The following DNAAF3 variants were observed in gnomAD, a reference collection of about 807,000 sequenced individuals.
DNAAF3 encodes the protein dynein axonemal assembly factor 3, also known as UPF0470 protein C19orf51.
In DNAAF3, 40 loss-of-function variants were observed where a neutral mutation model predicts 50.9. That is an observed-to-expected ratio of 0.79 (90% CI 0.61 to 1.02). DNAAF3 has a LOEUF of 1.02. DNAAF3 is among the 50% of genes least tolerant of loss of function. DNAAF3 has a pLI of 0.00. For synonymous variants in DNAAF3, 327 were observed against 322.8 expected, an observed-to-expected ratio of 1.01 and a Z score of -0.14; for missense variants, 763 against 744.7, an observed-to-expected ratio of 1.02 and a Z score of -0.29.
In DNAAF3 at chr19:55,159,542, T is replaced by G; in HGVS notation, c.1229A>C (p.Glu410Ala). The change falls in exon 11 of 12, where the codon GAA (glutamate) becomes GCA (alanine). Residue 410 changes from glutamate to alanine, a missense_variant. Glu to Ala is a moderately radical substitution (Grantham distance 107). Transcript: ENST00000524407. ...CVAPGGNLIV[E>A]LARYLVDVRQ... is the part of the protein sequence containing the mutation. ...CACCCCACTGACTCACCGGGCTAAT[T>G]CCACAATCAAGTTCCCTCCGGGTGC... 1 of 1,599,354 alleles carries G rather than the reference T, an allele frequency of 6.3e-7. No homozygotes were observed. Among genetic ancestry groups the G allele is most frequent in the South Asian group, 1.1e-5 (1 of 88,318 alleles).
intron 4 of DNAAF3, among the ~76,000 whole-genome samples, chr19:55,163,312 A>AT (rs34371299): frequency 0.12 from 10,678 of 87,060 alleles, 1,420 homozygotes; most frequent in Non-Finnish European, 0.18. Flanking sequence ...CCGGCGGCTA[A>AT]TTTTTTTTTT....
Position 55,165,326 on chromosome 19 carries a change from G to T in DNAAF3, c.322+44C>A, listed in dbSNP as rs200932133. On this transcript the variant is annotated intron_variant, in intron 4 of 11. Coordinates refer to ENST00000524407, the MANE Select transcript of DNAAF3 (RefSeq NM_001256715.2). ...AAATGCCAGAATCCCTCTAGGGAGG[G>T]GGAGGAGACCAGCGGTCAGAATGCC... 6.0e-5 allele frequency: 94 copies of T among 1,559,852 alleles called. No individual in the cohort carries two copies. The African/African-American group carries it at 1.1e-3, about 18-fold the overall frequency.
chr19:55,159,440 C>T lies in DNAAF3; in HGVS notation c.1248G>A (p.Val416=), dbSNP rs111250144. 7.2e-4 allele frequency: 1,168 copies of T among 1,613,806 alleles called. 7 individuals are homozygous for T. The African/African-American group carries it at 0.014, about 19-fold the overall frequency. The part of the protein sequence containing the change: ...NLIVELARYL[V]DVRQEQLQGF... The stretch of plus-strand genomic sequence containing the variant: ...CCTGCAGCTGCTCCTGCCGCACGTC[C>T]ACCAGGTACCTGCAGATGGGAAGCG... The change falls in exon 12 of 12, where the codon GTG becomes GTA. Residue 416 remains valine, a synonymous_variant. Coordinates refer to ENST00000524407, the MANE Select transcript of DNAAF3 (RefSeq NM_001256715.2).
At chr19:55,166,633 C>G (rs774308391), upstream of DNAAF3, 106 of 1,613,548 alleles carry the variant, frequency 6.6e-5, no homozygotes, top group Non-Finnish European at 7.3e-5. This position sits in a 1 kb window ranked among gnomAD's most constrained non-coding sequence, Gnocchi z 4.0. Flanking sequence ...TTCGAGGAAT[C>G]AAGCAATGGA....
chr19:55,158,964 A>C lies in DNAAF3; in HGVS notation c.*98T>G, dbSNP rs2085767039. ...ACTGAGTGGGAATGATTAGAATAAA[A>C]TTGAGGACTCTAGCAGCGGACTTAG... On this transcript the variant is annotated 3_prime_UTR_variant, in exon 12 of 12. Coordinates refer to ENST00000524407, the MANE Select transcript of DNAAF3 (RefSeq NM_001256715.2). The C allele has an allele frequency of 1.4e-6, 2 of 1,385,310 alleles. No individual in the cohort carries two copies. Among genetic ancestry groups the C allele is most frequent in the South Asian group, 2.9e-5 (2 of 69,160 alleles). 85.8% of individuals were successfully genotyped at this position (1,385,310 alleles called of 1,614,324 possible).
intron 4 of DNAAF3, 117 bp downstream of exon 4, chr19:55,165,252 TA>T: frequency 1.0e-6 from 1 of 984,732 alleles, no homozygotes; most frequent in Non-Finnish European, 1.6e-6. Context: ...CGGCTCACTG[TA>T]ACCTCCGCCT....
chr19:55,165,829 T>C, intron 3 of DNAAF3, 29 bp downstream of exon 3: 1 of 1,609,634 alleles, frequency 6.2e-7, no homozygotes, highest in Non-Finnish European at 8.5e-7. Flanking sequence ...GACTCGGGAA[T>C]CTGGGCTCTC....
Position 55,159,279 on chromosome 19 carries a change from TC to T in DNAAF3, c.1408del (p.Glu470AsnfsTer24). The T allele has an allele frequency of 6.2e-7, 1 of 1,614,064 alleles. No homozygotes were observed. Among genetic ancestry groups the T allele is most frequent in the Non-Finnish European group, 8.5e-7 (1 of 1,180,038 alleles). On this transcript the variant is annotated frameshift_variant, in exon 12 of 12. Transcript: ENST00000524407. LOFTEE classifies it low-confidence loss of function (END_TRUNC). ...GATGTCAAGGGGCGGAGTTCCGGGTTCCACAGCTGGGACAGTGTTGCCCAGA... is the reference window on the plus strand; with the variant it reads ...GATGTCAAGGGGCGGAGTTCCGGGTTCACAGCTGGGACAGTGTTGCCCAGA... ...SALGNTVPAV[E>X]PGTPPLDILA...
In DNAAF3 at chr19:55,166,326, C is replaced by T. The variant is rs1241133548; in HGVS notation, c.85+3G>A. 1 of 1,613,200 alleles carries T rather than the reference C, an allele frequency of 6.2e-7. No individual in the cohort carries two copies. Among genetic ancestry groups the T allele is most frequent in the Non-Finnish European group, 8.5e-7 (1 of 1,179,660 alleles). ...GTATCAGACCTTGCGTGCTGGGACT[C>T]ACTTTCAGCCTGCAGGTCCAGCGCC... On this transcript the variant is annotated splice_donor_region_variant and intron_variant, in intron 2 of 11. Coordinates refer to ENST00000524407, the MANE Select transcript of DNAAF3 (RefSeq NM_001256715.2). This position sits in a 1 kb window ranked among gnomAD's most constrained non-coding sequence, Gnocchi z 4.0.
In DNAAF3 at chr19:55,160,690, T is replaced by TC. The variant is rs756430359; in HGVS notation, c.997dup (p.Asp333GlyfsTer64). 281 of 1,613,292 alleles carry TC rather than the reference T, an allele frequency of 1.7e-4. No homozygotes were observed. Among genetic ancestry groups the TC allele is most frequent in the Non-Finnish European group, 2.2e-4 (263 of 1,179,904 alleles). On this transcript the variant is annotated frameshift_variant, in exon 9 of 12. Transcript: ENST00000524407. LOFTEE classifies it high-confidence loss of function. The surrounding 1 kb of genome is among the most constrained non-coding windows in gnomAD (Gnocchi z 4.7). ...CTCCGCGTGCTGCTGCTCCTCCAGG[T>TC]CCCCCCCGGTGGCTCTCGCGCGCCC... is the stretch of plus-strand genomic sequence containing the variant.
rs1486133748 is a variant in DNAAF3 at position 55,161,165 on chromosome 19, C to A, written c.812G>T (p.Arg271Leu). 6.4e-7 allele frequency: 1 copy of A among 1,561,134 alleles called. No individual in the cohort carries two copies. Among genetic ancestry groups the A allele is most frequent in the Non-Finnish European group, 8.7e-7 (1 of 1,153,424 alleles). Residue 271 changes from arginine (R) to leucine (L), a missense_variant, in exon 8 of 12, where the codon CGC becomes CTC. Arg to Leu is a moderately radical substitution (Grantham distance 102). Coordinates refer to ENST00000524407, the MANE Select transcript of DNAAF3 (RefSeq NM_001256715.2). The surrounding 1 kb of genome is among the most constrained non-coding windows in gnomAD (Gnocchi z 6.4). ...LSYRGERVAA[R>L]GYWGDIATGP... ...CGTGGCGATGTCCCCCCAGTACCCGCGCGCTGCCACGCGCTCCCCACGCTG... is the reference window on the plus strand; with the variant it reads ...CGTGGCGATGTCCCCCCAGTACCCGAGCGCTGCCACGCGCTCCCCACGCTG...
At position 55,161,940 on chromosome 19, in the gene DNAAF3, C is replaced by T. The variant is rs2085844352; in HGVS notation, c.481-115G>A. The T allele has an allele frequency of 7.4e-7, 1 of 1,357,614 alleles. No homozygotes were observed. The highest frequency in any genetic ancestry group is 9.5e-7 in the Non-Finnish European group (1 of 1,055,616). 84.1% of individuals were successfully genotyped at this position (1,357,614 alleles called of 1,614,324 possible). On this transcript the variant is annotated intron_variant, in intron 5 of 11. Transcript: ENST00000524407. This position sits in a 1 kb window ranked among gnomAD's most constrained non-coding sequence, Gnocchi z 6.4. ...ACAGGGGAACGATTCCCCCGTTTCT[C>T]GGATGGAAAAACTGAGGCTCCGAAA...
At chr19:55,163,127 A>G (rs868682619) in intron 4 of DNAAF3, among the ~76,000 whole-genome samples, 12 of 145,126 alleles carry the variant, frequency 8.3e-5, no homozygotes, top group African/African-American at 3.1e-4. Flanking sequence ...CTTCTGCCTC[A>G]GCCTCCGGAG....
rs567514867 is a variant in DNAAF3 at position 55,161,924 on chromosome 19, C to G, written c.481-99G>C. On this transcript the variant is annotated intron_variant, in intron 5 of 11. Transcript: ENST00000524407. The surrounding 1 kb of genome is among the most constrained non-coding windows in gnomAD (Gnocchi z 6.4). ...TCTCTTCCATCCCAGAACAGGGGAA[C>G]GATTCCCCCGTTTCTCGGATGGAAA... is the stretch of plus-strand genomic sequence containing the variant. 4.4e-5 allele frequency: 59 copies of G among 1,341,214 alleles called. No homozygotes were observed. The African/African-American group carries it at 6.6e-4, about 15-fold the overall frequency. The allele number at this position is 1,341,214 out of a possible 1,614,324, so 83.1% of individuals were successfully genotyped here. A position where few individuals can be genotyped will look rare whatever the true frequency, so the allele number is the denominator to read the frequency against.
intron 5 of DNAAF3, 103 bp downstream of exon 5, chr19:55,162,030 C>G (rs958918715): frequency 7.5e-7 from 1 of 1,332,382 alleles, no homozygotes; most frequent in African/African-American, 1.5e-5. Flanking sequence ...GGGATTCGAA[C>G]CCCCTAGCCC....
In DNAAF3 at chr19:55,159,019, C is replaced by G. The variant is rs774056189; in HGVS notation, c.*43G>C. ...GTATCAGCGGGTTCTCATCCTACAACCTGACTTTGGAAGTTGGAGATAAGG... is the reference window on the plus strand; with the variant it reads ...GTATCAGCGGGTTCTCATCCTACAAGCTGACTTTGGAAGTTGGAGATAAGG... On this transcript the variant is annotated 3_prime_UTR_variant, in exon 12 of 12. Coordinates refer to ENST00000524407, the MANE Select transcript of DNAAF3 (RefSeq NM_001256715.2). 1 of 1,529,774 alleles carries G rather than the reference C, an allele frequency of 6.5e-7. No homozygotes were observed. 94.8% of individuals were successfully genotyped at this position (1,529,774 alleles called of 1,614,324 possible). A position where few individuals can be genotyped will look rare whatever the true frequency, so the allele number is the denominator to read the frequency against.
At chr19:55,165,510 G>T in intron 3 of DNAAF3, 47 bp from the exon 4 acceptor site, 1 of 1,594,842 alleles carries the variant, frequency 6.3e-7, no homozygotes, top group South Asian at 1.1e-5. Flanking sequence ...TGTTTGCCTG[G>T]GTCCTAGGAG....
chr19:55,165,903 C>A lies in DNAAF3; in HGVS notation c.183G>T (p.Leu61=). 1 of 1,614,206 alleles carries A rather than the reference C, an allele frequency of 6.2e-7. No individual in the cohort carries two copies. Among genetic ancestry groups the A allele is most frequent in the Non-Finnish European group, 8.5e-7 (1 of 1,180,038 alleles). ...AGAACTTCGCTCGGGACAGGGTCCG[C>A]AGCAGGTGCCGTCCATCCACAGAGC... ...LLGSVDGRHL[L]RTLSRAKFWP... is the part of the protein sequence containing the mutation. Residue 61 remains leucine, a synonymous_variant, in exon 3 of 12, where the codon CTG becomes CTT. Coordinates refer to ENST00000524407, the MANE Select transcript of DNAAF3 (RefSeq NM_001256715.2).
In DNAAF3 at chr19:55,159,187, TCCCACCCTGCAGAGGCTGGGTCAGG is replaced by T. The variant is rs1379531047; in HGVS notation, c.1476_1500del (p.Leu493ProfsTer58). ...AGCTGGCAGGGCTCACAGTGTGGGG[TCCCACCCTGCAGAGGCTGGGTCAGG>T]CCCTCAAGGGCTGGGTTGCTGGCTT... On this transcript the variant is annotated frameshift_variant, in exon 12 of 12. Transcript: ENST00000524407. LOFTEE classifies it low-confidence loss of function (END_TRUNC). 1 of 1,613,826 alleles carries T rather than the reference TCCCACCCTGCAGAGGCTGGGTCAGG, an allele frequency of 6.2e-7. No homozygotes were observed. Among genetic ancestry groups the T allele is most frequent in the Admixed American group, 1.7e-5 (1 of 60,018 alleles).
Sources: allele counts gnomAD v4.1 joint callset (sites outside exome capture counted in the v4.1 genomes callset), GRCh38; gene constraint gnomAD v4.1.1; non-coding constraint Gnocchi (gnomAD v3.1); transcripts MANE v1.5; gene names NCBI Gene and HGNC (gene_info 2026-07-23, HGNC 2026-07-21).